URB1: variants seen among roughly 807,000 people sequenced by gnomAD.
URB1 encodes the protein nucleolar pre-ribosomal-associated protein 1.
In URB1, 197 loss-of-function variants were observed where a neutral mutation model predicts 242.3. The ratio of observed to expected loss-of-function variants is 0.81; its 90% CI spans 0.72 to 0.91. URB1 has a LOEUF of 0.91. Among genes scored for constraint, URB1 ranks in the 40% least tolerant of loss-of-function variants. The pLI is 0.00. For missense variants in URB1, 2,721 were observed against 2,860.5 expected (o/e 0.95, Z 1.11); for synonymous variants, 1,153 against 1,201.8 (o/e 0.96, Z 0.84).
In URB1 at chr21:32,317,800, C is replaced by G; in HGVS notation, c.5910G>C (p.Glu1970Asp). The change falls in exon 37 of 39, where the codon GAG becomes GAC. Residue 1970 changes from glutamate to aspartate, a missense_variant. Glu to Asp is a conservative substitution (Grantham distance 45). Coordinates refer to ENST00000382751, the MANE Select transcript of URB1 (RefSeq NM_014825.3). ...FRDMNRFTVNETVLSTKDVLV... is the reference protein window; with the variant it reads ...FRDMNRFTVNDTVLSTKDVLV... The stretch of plus-strand genomic sequence containing the variant: ...GGACGTCCTTGGTGGAAAGCACTGT[C>G]TCATTTACGGTGAATCTGTTCATGT... The G allele has an allele frequency of 6.4e-7, 1 of 1,551,984 alleles. No individual in the cohort carries two copies. The highest frequency in any genetic ancestry group is 8.7e-7 in the Non-Finnish European group (1 of 1,147,066).
At chr21:32,333,152 T>C (rs186783727) in intron 30 of URB1, 165 bp downstream of exon 30, 62 of 646,510 alleles carry the variant, frequency 9.6e-5, no homozygotes, top group Non-Finnish European at 1.6e-4. Flanking sequence ...GTGACTTTGC[T>C]GAAAATCACT....
chr21:32,392,838 C>A lies in URB1; in HGVS notation c.73G>T (p.Ala25Ser), dbSNP rs918852750. 3.6e-5 allele frequency: 55 copies of A among 1,532,796 alleles called. No individual in the cohort carries two copies. Among genetic ancestry groups the A allele is most frequent in the Non-Finnish European group, 4.6e-5 (53 of 1,144,884 alleles). The allele number at this position is 1,532,796 out of a possible 1,614,324, so 94.9% of individuals were successfully genotyped here. A position where few individuals can be genotyped will look rare whatever the true frequency, so the allele number is the denominator to read the frequency against. ...AASSAGAAKR[A>S]RKEELTGVRF... ...ACGCCCGTGAGCTCTTCTTTGCGGG[C>A]GCGCTTGGCTGCACCCGCGGAGGAA... Residue 25 changes from alanine to serine, a missense_variant, in exon 1 of 39, where the codon GCC (alanine) becomes TCC (serine). Transcript: ENST00000382751.
intron 4 of URB1, among the ~76,000 whole-genome samples, chr21:32,379,439 G>C (rs781740142): frequency 2.6e-5 from 4 of 152,226 alleles, no homozygotes; most frequent in Non-Finnish European, 5.9e-5. Context: ...ACAAGTCACT[G>C]CCCCAAAATG....
chr21:32,364,506 A>T (rs1462281307), intron 10 of URB1, among the ~76,000 whole-genome samples: 1 of 152,202 alleles, frequency 6.6e-6, no homozygotes, highest in African/African-American at 2.4e-5. Context: ...GAGCCCCAGC[A>T]TTCCAGTCAG....
At chr21:32,320,965 C>T (rs960455592) in intron 34 of URB1, among the ~76,000 whole-genome samples, 1 of 152,188 alleles carries the variant, frequency 6.6e-6, no homozygotes, top group Non-Finnish European at 1.5e-5. Context: ...ACAGGGAGTG[C>T]GTGAGGGCCC....
intron 32 of URB1, among the ~76,000 whole-genome samples, chr21:32,324,003 G>A (rs866861490): frequency 6.6e-6 from 1 of 152,270 alleles, no homozygotes; most frequent in South Asian, 2.1e-4. Flanking sequence ...CACCCTCACA[G>A]CAATGCTAGA....
chr21:32,357,699 A>C lies in URB1; in HGVS notation c.1870-43T>G, dbSNP rs765748279. On this transcript the variant is annotated intron_variant, in intron 14 of 38. Coordinates refer to ENST00000382751, the MANE Select transcript of URB1 (RefSeq NM_014825.3). ...TTACGTATTTTTAGTATATATAATT[A>C]CATATATAATTTTAATATATAGTTA... 4.6e-6 allele frequency: 6 copies of C among 1,315,906 alleles called. No homozygotes were observed. The South Asian group carries it at 1.4e-4, about 30-fold the overall frequency. 81.5% of individuals were successfully genotyped at this position (1,315,906 alleles called of 1,614,324 possible).
At chr21:32,378,840 A>C (rs965678204) in intron 4 of URB1, among the ~76,000 whole-genome samples, 3 of 152,212 alleles carry the variant, frequency 2.0e-5, no homozygotes, top group African/African-American at 7.2e-5. Context: ...TATAACACAT[A>C]CATTTTCGTT....
Position 32,319,400 on chromosome 21 carries a change from G to A in URB1, c.5609C>T (p.Pro1870Leu), listed in dbSNP as rs141270939. ...CAAGGAGATCACATTAGACAGCAGC[G>A]GAGTCTCCAGAAACCTAAAACCAAG... ...HILESKFLET[P>L]LLSNVISLLH... is the part of the protein sequence containing the mutation. Residue 1870 changes from proline (P) to leucine (L), a missense_variant, in exon 36 of 39, where the codon CCG becomes CTG. Physicochemically the swap from Pro to Leu is moderately conservative, Grantham distance 98. Transcript: ENST00000382751. 2.5e-4 allele frequency: 387 copies of A among 1,524,936 alleles called. 1 individual carries two copies. In the East Asian group the frequency reaches 4.1e-3, roughly 16 times the overall value. The allele number at this position is 1,524,936 out of a possible 1,614,324, so 94.5% of individuals were successfully genotyped here. A position where few individuals can be genotyped will look rare whatever the true frequency, so the allele number is the denominator to read the frequency against.
In URB1 at chr21:32,311,682, A is replaced by T. The variant is rs2032575929; in HGVS notation, c.*3236T>A. 6.2e-7 allele frequency: 1 copy of T among 1,613,742 alleles called. No homozygotes were observed. Among genetic ancestry groups the T allele is most frequent in the Non-Finnish European group, 8.5e-7 (1 of 1,179,944 alleles). On this transcript the variant is annotated 3_prime_UTR_variant, in exon 39 of 39. Transcript: ENST00000382751. ...CTGCCTCCCACTCTGCTCTGTTCAC[A>T]GGAACAGCCCCAAGCACCACCAAAC...
rs925043763 is a variant in URB1, at chr21:32,317,794, C to A, written c.5916G>T (p.Val1972=). 6 of 1,551,856 alleles carry A rather than the reference C, an allele frequency of 3.9e-6. No individual in the cohort carries two copies. In the African/African-American group the frequency reaches 6.8e-5, roughly 18 times the overall value. The change falls in exon 37 of 39, where the codon GTG becomes GTT. Residue 1972 remains valine, a synonymous_variant. Transcript: ENST00000382751. ...DMNRFTVNET[V]LSTKDVLVLL... ...GGACAAGGACGTCCTTGGTGGAAAG[C>A]ACTGTCTCATTTACGGTGAATCTGT...
Position 32,383,546 on chromosome 21 carries a change from C to T in URB1, c.443G>A (p.Arg148His), listed in dbSNP as rs1307132125. 5.2e-6 allele frequency: 8 copies of T among 1,551,266 alleles called. No individual in the cohort carries two copies. The highest frequency in any genetic ancestry group is 1.7e-4 in the Middle Eastern group (1 of 5,984). The part of the protein sequence containing the change: ...SLYASGYRLA[R>H]ACLSLMTAMV... ...GGCGGTCATCAGGCTCAGGCAGGCG[C>T]GAGCCAACCTGCACAGGGAACCAGA... The change falls in exon 4 of 39, where the codon CGC (arginine) becomes CAC (histidine). Residue 148 changes from arginine (R) to histidine (H), a missense_variant. Physicochemically the swap from Arg to His is conservative, Grantham distance 29. Coordinates refer to ENST00000382751, the MANE Select transcript of URB1 (RefSeq NM_014825.3).
At position 32,312,146 on chromosome 21, in the gene URB1, T is replaced by C; in HGVS notation, c.*2772A>G. 2.0e-6 allele frequency: 3 copies of C among 1,532,506 alleles called. No homozygotes were observed. The highest frequency in any genetic ancestry group is 2.6e-6 in the Non-Finnish European group (3 of 1,144,416). The allele number at this position is 1,532,506 out of a possible 1,614,324, so 94.9% of individuals were successfully genotyped here. A position where few individuals can be genotyped will look rare whatever the true frequency, so the allele number is the denominator to read the frequency against. ...CTAGAGCAGGAGCATCCTATGCCTTTGACAAAGATTGCAGTGGCCCCTCGA... is the reference window on the plus strand; with the variant it reads ...CTAGAGCAGGAGCATCCTATGCCTTCGACAAAGATTGCAGTGGCCCCTCGA... On this transcript the variant is annotated 3_prime_UTR_variant, in exon 39 of 39. Transcript: ENST00000382751.
At chr21:32,320,211 C>A (rs908693944) in intron 35 of URB1, among the ~76,000 whole-genome samples, 1 of 152,254 alleles carries the variant, frequency 6.6e-6, no homozygotes, top group Admixed American at 6.5e-5. Context: ...GCTGCTGGGA[C>A]ACCGGGGAGG....
At chr21:32,325,896 T>G (rs2032824073) in intron 30 of URB1, among the ~76,000 whole-genome samples, 1 of 152,104 alleles carries the variant, frequency 6.6e-6, no homozygotes, top group African/African-American at 2.4e-5. Context: ...TCACACCCAC[T>G]CTGCAACCCT....
chr21:32,384,385 G>A lies in URB1; in HGVS notation c.362C>T (p.Thr121Ile), dbSNP rs1474352791. Residue 121 changes from threonine (T) to isoleucine (I), a missense_variant, in exon 3 of 39, where the codon ACC becomes ATC. By Grantham distance (89) the Thr-to-Ile change is moderately conservative. Transcript: ENST00000382751. ...GTTCATCAGCTTTTTCACAATGTTGGTTCCCACAACATGGAAATGTGAAAG... is the reference window on the plus strand; with the variant it reads ...GTTCATCAGCTTTTTCACAATGTTGATTCCCACAACATGGAAATGTGAAAG... Reference protein sequence around the residue: ...SDLSHFHVVGTNIVKKLMNNH... With the variant: ...SDLSHFHVVGINIVKKLMNNH... The A allele has an allele frequency of 6.4e-7, 1 of 1,552,112 alleles. No individual in the cohort carries two copies. Among genetic ancestry groups the A allele is most frequent in the Non-Finnish European group, 8.7e-7 (1 of 1,147,098 alleles).
intron 30 of URB1, among the ~76,000 whole-genome samples, 174 bp from the exon 31 acceptor site, chr21:32,325,563 C>T (rs1277033905): frequency 6.6e-6 from 1 of 152,162 alleles, no homozygotes; most frequent in Admixed American, 6.5e-5. Context: ...ACAAAAAAAC[C>T]TCTTCCTTTA....
At chr21:32,355,093 A>T in intron 16 of URB1, 96 bp from the exon 17 acceptor site, 1 of 1,366,310 alleles carries the variant, frequency 7.3e-7, no homozygotes, top group Non-Finnish European at 9.8e-7. Flanking sequence ...GGCAAGTGAT[A>T]ATATGTTCAA....
Position 32,361,891 on chromosome 21 carries a change from C to T in URB1, c.1639+1G>A. The T allele has an allele frequency of 1.3e-6, 2 of 1,550,916 alleles. No homozygotes were observed. Among genetic ancestry groups the T allele is most frequent in the Non-Finnish European group, 1.7e-6 (2 of 1,146,740 alleles). On this transcript the variant is annotated splice_donor_variant, in intron 12 of 38. Transcript: ENST00000382751. LOFTEE classifies it high-confidence loss of function. ...GGTCCCCCTCACCCCTGAGACCTTACCGCACTGGTGAGCATCGCAGGCAGC... is the reference window on the plus strand; with the variant it reads ...GGTCCCCCTCACCCCTGAGACCTTATCGCACTGGTGAGCATCGCAGGCAGC...
Sources: gnomAD v4.1 joint callset for allele counts (sites outside exome capture counted in the v4.1 genomes callset) on GRCh38, gnomAD v4.1.1 for gene constraint, MANE v1.5 for transcripts, NCBI Gene and HGNC (gene_info 2026-07-23, HGNC 2026-07-21) for gene names.